Variants in ITGAL observed in about 807,000 individuals in gnomAD.
ITGAL encodes integrin subunit alpha L.
In ITGAL, 68 loss-of-function variants were observed where a neutral mutation model predicts 138.4. The ratio of observed to expected loss-of-function variants is 0.49; its 90% CI spans 0.40 to 0.60. The LOEUF is 0.60. Among genes scored for constraint, ITGAL ranks in the 20% least tolerant of loss-of-function variants. The probability of loss-of-function intolerance (pLI) is 0.00; values close to 1 mark genes in which losing one functional copy is unlikely to be tolerated. For missense variants in ITGAL, 1,256 were observed against 1,478.6 expected (o/e 0.85, Z 2.47); for synonymous variants, 561 against 584.3 (o/e 0.96, Z 0.57).
At position 30,479,112 on chromosome 16, in the gene ITGAL, CGAACGTGTGACCA is replaced by C; in HGVS notation, c.354_366del (p.Cys119ProfsTer3). On this transcript the variant is annotated frameshift_variant, in exon 5 of 31. Transcript: ENST00000356798. LOFTEE classifies it high-confidence loss of function. ...TTAGGCCTGTGACCCTGGGCTGTCT[CGAACGTGTGACCA>C]GAACACCTATCTGAGTGGCCTGTGT... is the stretch of plus-strand genomic sequence containing the variant. 6.2e-7 allele frequency: 1 copy of C among 1,614,010 alleles called. No individual in the cohort carries two copies. The highest frequency in any genetic ancestry group is 8.5e-7 in the Non-Finnish European group (1 of 1,179,972).
At chr16:30,518,572 T>C in intron 28 of ITGAL, 52 bp from the exon 29 acceptor site, 1 of 1,308,160 alleles carries the variant, frequency 7.6e-7, no homozygotes, top group South Asian at 1.2e-5. Context: ...CAAAAGCCAG[T>C]GGGTTCTGTC....
Position 30,519,840 on chromosome 16 carries a change from C to G in ITGAL, c.3229-17C>G. The G allele has an allele frequency of 6.4e-7, 1 of 1,572,070 alleles. No individual in the cohort carries two copies. Among genetic ancestry groups the G allele is most frequent in the Non-Finnish European group, 8.8e-7 (1 of 1,141,728 alleles). Reference sequence around the variant, plus strand: ...TGGAAAAGGCATTTTCCGGCACTCCCCTCCCCCTGCTCCCAGGTTGTCATG... The same window carrying G: ...TGGAAAAGGCATTTTCCGGCACTCCGCTCCCCCTGCTCCCAGGTTGTCATG... On this transcript the variant is annotated splice_polypyrimidine_tract_variant and intron_variant, in intron 29 of 30. Coordinates refer to ENST00000356798, the MANE Select transcript of ITGAL (RefSeq NM_002209.3).
intron 11 of ITGAL, among the ~76,000 whole-genome samples, chr16:30,490,861 T>C (rs2050715087): frequency 6.6e-6 from 1 of 151,792 alleles, no homozygotes; most frequent in African/African-American, 2.4e-5. Flanking sequence ...TCCCAGCTAC[T>C]TGGGAGGCTG....
intron 9 of ITGAL, among the ~76,000 whole-genome samples, chr16:30,488,411 G>A (rs1478486843): frequency 6.6e-6 from 1 of 151,776 alleles, no homozygotes. Flanking sequence ...ATGAGTAATT[G>A]GATATTCAAA....
intron 17 of ITGAL, among the ~76,000 whole-genome samples, chr16:30,502,510 A>G (rs1479846908): frequency 6.6e-6 from 1 of 151,268 alleles, no homozygotes; most frequent in African/African-American, 2.4e-5. Flanking sequence ...ACTTTGGGAG[A>G]CTGAGGTGGG....
In ITGAL at chr16:30,517,853, C is replaced by T. The variant is rs374470612; in HGVS notation, c.3090C>T (p.Leu1030=). ...CTGTTGTCTTCAGGCAGGAGATCCT[C>T]GTCCAAGTGATCGGGACTCTGGAGC... ...RCPVVFRQEI[L]VQVIGTLELV... is the part of the protein sequence containing the mutation. Residue 1030 remains leucine, a synonymous_variant, in exon 28 of 31, where the codon CTC becomes CTT. Transcript: ENST00000356798. 9.9e-6 allele frequency: 16 copies of T among 1,614,036 alleles called. No homozygotes were observed. Among genetic ancestry groups the T allele is most frequent in the Non-Finnish European group, 1.0e-5 (12 of 1,180,038 alleles).
rs1274747969 is a variant in ITGAL, at chr16:30,505,232, C to A, written c.2236-12C>A. The A allele has an allele frequency of 5.0e-6, 8 of 1,586,602 alleles. No individual in the cohort carries two copies. The highest frequency in any genetic ancestry group is 2.3e-5 in the South Asian group (2 of 88,858). ...TCTCCTCTCTCCATCCTGCCCACTA[C>A]CCCTCGCTCAGCAGGGCAAGGACAT... On this transcript the variant is annotated splice_polypyrimidine_tract_variant and intron_variant, in intron 18 of 30. Transcript: ENST00000356798.
intron 6 of ITGAL, 141 bp from the exon 7 acceptor site, chr16:30,481,298 A>G (rs959024642): frequency 7.5e-6 from 5 of 662,768 alleles, no homozygotes; most frequent in Non-Finnish European, 9.8e-6. Flanking sequence ...GTGAGCCAAG[A>G]TTGTGCCAGT....
intron 11 of ITGAL, among the ~76,000 whole-genome samples, chr16:30,490,831 G>T (rs4889495): frequency 0.33 from 49,487 of 151,812 alleles, 9,218 homozygotes; most frequent in East Asian, 0.61. Flanking sequence ...TTAGCTGGAC[G>T]TGGTGACACG....
intron 18 of ITGAL, among the ~76,000 whole-genome samples, chr16:30,504,650 T>C (rs897024031): frequency 6.6e-6 from 1 of 151,242 alleles, no homozygotes; most frequent in African/African-American, 2.4e-5. Flanking sequence ...CAGTGAGCTA[T>C]TGAGCTATGA....
At position 30,494,100 on chromosome 16, in the gene ITGAL, T is replaced by G; in HGVS notation, c.1214-112T>G. 1.1e-6 allele frequency: 1 copy of G among 874,788 alleles called. No individual in the cohort carries two copies. Among genetic ancestry groups the G allele is most frequent in the Non-Finnish European group, 1.8e-6 (1 of 564,580 alleles). The allele number at this position is 874,788 out of a possible 1,614,324, so 54.2% of individuals were successfully genotyped here. Reference sequence around the variant, plus strand: ...TTCTCAGGAGAAGGTCTTCAGCTGTTTCCATGCATCTCTGCTACTAACCCA... The same window carrying G: ...TTCTCAGGAGAAGGTCTTCAGCTGTGTCCATGCATCTCTGCTACTAACCCA... On this transcript the variant is annotated intron_variant, in intron 11 of 30. Transcript: ENST00000356798. The surrounding 1 kb of genome is among the most constrained non-coding windows in gnomAD (Gnocchi z 4.2).
At position 30,479,347 on chromosome 16, in the gene ITGAL, C is replaced by A. The variant is rs748938835; in HGVS notation, c.462C>A (p.Asn154Lys). ...RPGFQECIKG[N>K]VDLVFLFDGS... ...CTTCTGCAGAATGTATCAAGGGCAA[C>A]GTAGACCTGGTATTTCTGTTTGATG... Residue 154 changes from asparagine (N) to lysine (K), a missense_variant, in exon 6 of 31, where the codon AAC (asparagine) becomes AAA (lysine). Around this residue, in one of 3 missense-constraint regions of ITGAL, gnomAD observed 212 missense variants for 217.4 expected, o/e 0.98. Coordinates refer to ENST00000356798, the MANE Select transcript of ITGAL (RefSeq NM_002209.3). The A allele has an allele frequency of 6.2e-7, 1 of 1,613,928 alleles. No individual in the cohort carries two copies. Among genetic ancestry groups the A allele is most frequent in the East Asian group, 2.2e-5 (1 of 44,894 alleles).
chr16:30,502,501 C>T (rs1481013463), intron 17 of ITGAL, among the ~76,000 whole-genome samples: 1 of 151,234 alleles, frequency 6.6e-6, no homozygotes, highest in East Asian at 2.0e-4. Context: ...AATCCCAGCA[C>T]TTTGGGAGAC....
chr16:30,474,909 A>C (rs2050447958), intron 2 of ITGAL, among the ~76,000 whole-genome samples: 1 of 124,608 alleles, frequency 8.0e-6, no homozygotes, highest in African/African-American at 3.1e-5. Context: ...CCCAGGCTGT[A>C]GTGCAACGGT....
intron 4 of ITGAL, 77 bp downstream of exon 4, chr16:30,475,657 T>C (rs984953324): frequency 5.1e-6 from 6 of 1,186,946 alleles, no homozygotes; most frequent in South Asian, 3.7e-5. Flanking sequence ...AGAAGAAGAA[T>C]GTGGATAAAA....
At chr16:30,489,003 T>C in intron 9 of ITGAL, 79 bp from the exon 10 acceptor site, 1 of 1,222,024 alleles carries the variant, frequency 8.2e-7, no homozygotes, top group Non-Finnish European at 1.2e-6. Flanking sequence ...ATACCTCACT[T>C]CTTCCCCGTC....
At position 30,497,539 on chromosome 16, in the gene ITGAL, C is replaced by T. The variant is rs181030784; in HGVS notation, c.1832+973C>T. Among the ~76,000 whole-genome samples the T allele has an allele frequency of 4.8e-4, 73 of 151,084 alleles. No homozygotes were observed. In the Middle Eastern group the frequency reaches 0.01, roughly 21 times the overall value. On this transcript the variant is annotated intron_variant, in intron 15 of 30. Transcript: ENST00000356798. ...TTGCCCAGGCCAGAGTGCAGTGGTG[C>T]GATCTTGGCTCACTGTAACCTCCAC...
rs370192091 is a variant in ITGAL, at chr16:30,517,713, C to T, written c.3033+8C>T. On this transcript the variant is annotated splice_region_variant and intron_variant, in intron 27 of 30. Transcript: ENST00000356798. ...CTCCCGGATGCAGCTGAGGTATGGG[C>T]GTGTGAGCTGAGAGACGGTGGGGCT... 265 of 1,613,516 alleles carry T rather than the reference C, an allele frequency of 1.6e-4. No homozygotes were observed. The highest frequency in any genetic ancestry group is 2.0e-4 in the Non-Finnish European group (240 of 1,179,540).
At position 30,505,511 on chromosome 16, in the gene ITGAL, A is replaced by AC. The variant is rs754130306; in HGVS notation, c.2366+55dup. 2.8e-5 allele frequency: 38 copies of AC among 1,345,516 alleles called. No homozygotes were observed. In the South Asian group the frequency reaches 3.2e-4, roughly 11 times the overall value. The allele number at this position is 1,345,516 out of a possible 1,614,324, so 83.3% of individuals were successfully genotyped here. On this transcript the variant is annotated intron_variant, in intron 20 of 30. Transcript: ENST00000356798. Reference sequence around the variant, plus strand: ...AGCCTCCCATCCACTCTGTTTTAAGACCCCCCACTCCACTCACCAGATATG... The same window carrying AC: ...AGCCTCCCATCCACTCTGTTTTAAGACCCCCCCACTCCACTCACCAGATATG...
Sources: allele counts gnomAD v4.1 joint callset (sites outside exome capture counted in the v4.1 genomes callset), GRCh38; gene constraint gnomAD v4.1.1; regional missense constraint gnomAD v4.1.1; non-coding constraint Gnocchi (gnomAD v3.1); transcripts MANE v1.5; gene names NCBI Gene and HGNC (gene_info 2026-07-23, HGNC 2026-07-21).